SLC25A33: variants seen among roughly 807,000 people sequenced by gnomAD.
SLC25A33 encodes bone marrow stromal cell mitochondrial carrier protein.
Under a neutral mutation model 35.5 loss-of-function variants are expected in SLC25A33, and 15 were observed. The ratio of observed to expected loss-of-function variants is 0.42; its 90% confidence interval spans 0.28 to 0.65. The LOEUF is 0.65. SLC25A33 is among the 30% of genes least tolerant of loss of function. The pLI, the probability that SLC25A33 is intolerant of heterozygous loss-of-function variation, is 0.20. For missense variants in SLC25A33, 257 were observed against 398.5 expected (o/e 0.64, Z 3.02); for synonymous variants, 136 against 148.7 (o/e 0.91, Z 0.62).
intron 2 of SLC25A33, among the ~76,000 whole-genome samples, chr1:9,558,990 C>G (rs1643382279): frequency 6.6e-6 from 1 of 152,140 alleles, no homozygotes; most frequent in Admixed American, 6.6e-5. Flanking sequence ...TCCTATTTTC[C>G]CCTTTGCCTC....
At chr1:9,568,189 C>G (rs1405643627) in intron 3 of SLC25A33, among the ~76,000 whole-genome samples, 3 of 152,206 alleles carry the variant, frequency 2.0e-5, no homozygotes, top group African/African-American at 7.2e-5. Context: ...CCTGTGTAAT[C>G]CCAGCACTTT....
In SLC25A33 at chr1:9,573,401, G is replaced by A. The variant is rs775025353; in HGVS notation, c.471G>A (p.Gln157=). The change falls in exon 5 of 7, where the codon CAG becomes CAA. Residue 157 remains glutamine (Q), a synonymous_variant. Transcript: ENST00000302692. ...TATGGATGGTTAAAACCCGAATGCA[G>A]CTAGAACAGAAGTAAGTTATTATTT... ...NPIWMVKTRM[Q]LEQKVRGSKQ... 2.5e-6 allele frequency: 4 copies of A among 1,611,290 alleles called. No individual in the cohort carries two copies. Among genetic ancestry groups the A allele is most frequent in the South Asian group, 2.2e-5 (2 of 90,838 alleles).
chr1:9,568,577 T>G lies in SLC25A33; in HGVS notation c.314+1216T>G, dbSNP rs902024188. Among the ~76,000 whole-genome samples, 25 of 152,168 alleles carry G rather than the reference T, an allele frequency of 1.6e-4. No individual in the cohort carries two copies. In the East Asian group the frequency reaches 4.2e-3, roughly 26 times the overall value. On this transcript the variant is annotated intron_variant, in intron 3 of 6. Transcript: ENST00000302692. ...TGAAAGAAAATGAAGTCTGGCCGGG[T>G]GCGGTGGCTCACGCCTGTAATCCCA...
chr1:9,555,308 CG>C (rs1267731012), intron 2 of SLC25A33, among the ~76,000 whole-genome samples: 1 of 151,502 alleles, frequency 6.6e-6, no homozygotes, highest in East Asian at 1.9e-4. Flanking sequence ...TTAGTAGAGA[CG>C]GGGTTTCACC....
chr1:9,544,365 T>C (rs1407897342), intron 1 of SLC25A33, among the ~76,000 whole-genome samples: 1 of 147,756 alleles, frequency 6.8e-6, no homozygotes, highest in African/African-American at 2.5e-5. Context: ...ACCTCCCGGG[T>C]TCAAGCAATT....
intron 5 of SLC25A33, among the ~76,000 whole-genome samples, chr1:9,574,107 CCTTTT>C (rs1240701066): frequency 6.0e-5 from 9 of 149,012 alleles, no homozygotes; most frequent in East Asian, 3.9e-4. Context: ...TATTTTGTTT[CCTTTT>C]CTTTTCTTTT....
At chr1:9,574,158 C>T (rs1304224266) in intron 5 of SLC25A33, among the ~76,000 whole-genome samples, 2 of 143,990 alleles carry the variant, frequency 1.4e-5, no homozygotes, top group African/African-American at 2.6e-5. Flanking sequence ...AGGGCCTCAT[C>T]TATCACCCAG....
At chr1:9,579,148 C>T (rs1311327423) in intron 5 of SLC25A33, among the ~76,000 whole-genome samples, 1 of 152,204 alleles carries the variant, frequency 6.6e-6, no homozygotes, top group Non-Finnish European at 1.5e-5. Context: ...TCCACTGTCA[C>T]ACCACAACAG....
intron 2 of SLC25A33, chr1:9,556,370 A>G (rs932501920): frequency 3.6e-5 from 14 of 391,014 alleles, no homozygotes; most frequent in South Asian, 1.1e-4. Flanking sequence ...GTGGGTGTCA[A>G]TAGGGCCAAC....
intron 1 of SLC25A33, among the ~76,000 whole-genome samples, chr1:9,546,174 A>ATTTTTTT: frequency 9.9e-6 from 1 of 100,520 alleles, no homozygotes; most frequent in Non-Finnish European, 1.9e-5. Context: ...ACACAGAGAA[A>ATTTTTTT]TTTTTTTTTT....
At chr1:9,552,548 A>G (rs571111438) in intron 1 of SLC25A33, among the ~76,000 whole-genome samples, 1 of 152,264 alleles carries the variant, frequency 6.6e-6, no homozygotes, top group South Asian at 2.1e-4. Flanking sequence ...AATTAATCAA[A>G]TTTTAAGAAG....
chr1:9,546,174 A>ATT lies in SLC25A33; in HGVS notation c.56+6454_56+6455dup, dbSNP rs746460317. On this transcript the variant is annotated intron_variant, in intron 1 of 6. Coordinates refer to ENST00000302692, the MANE Select transcript of SLC25A33 (RefSeq NM_032315.3). ...TGTGAAGGGAATATCACACAGAGAA[A>ATT]TTTTTTTTTTTTTTTTTTTTTTTTT... Among the ~76,000 whole-genome samples, 150 of 100,520 alleles carry ATT rather than the reference A, an allele frequency of 1.5e-3. 1 individual carries two copies. The highest frequency in any genetic ancestry group is 2.9e-3 in the African/African-American group (62 of 21,654). The allele number at this position is 100,520 out of a possible 152,430, so 65.9% of individuals were successfully genotyped here.
intron 4 of SLC25A33, among the ~76,000 whole-genome samples, chr1:9,572,685 G>A (rs1569872103): frequency 6.6e-6 from 1 of 152,108 alleles, no homozygotes; most frequent in African/African-American, 2.4e-5. Context: ...TATAGAGGGT[G>A]TGAGGTATTA....
At chr1:9,540,110 G>A (rs963410360) in intron 1 of SLC25A33, among the ~76,000 whole-genome samples, 2 of 152,146 alleles carry the variant, frequency 1.3e-5, no homozygotes, top group Non-Finnish European at 2.9e-5. Context: ...CCTTCTCCTG[G>A]GGCCTCTCCC....
At chr1:9,579,913 A>G (rs1328050642) in intron 5 of SLC25A33, 41 bp from the exon 6 acceptor site, 13 of 1,584,340 alleles carry the variant, frequency 8.2e-6, no homozygotes, top group South Asian at 3.5e-5. Flanking sequence ...TTCCACCATG[A>G]TATGTCTCCT....
At chr1:9,557,255 T>G (rs2100385313) in intron 2 of SLC25A33, among the ~76,000 whole-genome samples, 1 of 152,374 alleles carries the variant, frequency 6.6e-6, no homozygotes, top group Middle Eastern at 3.4e-3. Flanking sequence ...AATCAGTTTA[T>G]TTTATTGACA....
rs560542890 is a variant in SLC25A33, at chr1:9,560,471, G to A, written c.236+6666G>A. Among the ~76,000 whole-genome samples the A allele has an allele frequency of 1.2e-3, 170 of 144,864 alleles. 1 individual carries two copies. The highest frequency in any genetic ancestry group is 4.2e-3 in the African/African-American group (165 of 39,218). ...CCCGGCTACTCGGGAGGTTGAGGCA[G>A]GAGAATGGCATGAACCCCGGAGGCG... On this transcript the variant is annotated intron_variant, in intron 2 of 6. Coordinates refer to ENST00000302692, the MANE Select transcript of SLC25A33 (RefSeq NM_032315.3).
chr1:9,552,835 A>T (rs980996248), intron 1 of SLC25A33, among the ~76,000 whole-genome samples: 1 of 152,116 alleles, frequency 6.6e-6, no homozygotes, highest in Non-Finnish European at 1.5e-5. Flanking sequence ...GTTAGGTGAA[A>T]ATGCCAAGAA....
intron 1 of SLC25A33, among the ~76,000 whole-genome samples, chr1:9,549,517 C>CT (rs1336122253): frequency 6.6e-6 from 1 of 151,030 alleles, no homozygotes; most frequent in Non-Finnish European, 1.5e-5. Flanking sequence ...GGGGGATGAA[C>CT]TGATGGTGGG....
Sources: gnomAD v4.1 joint callset for allele counts (sites outside exome capture counted in the v4.1 genomes callset) on GRCh38, gnomAD v4.1.1 for gene constraint, MANE v1.5 for transcripts, NCBI Gene and HGNC (gene_info 2026-07-23, HGNC 2026-07-21) for gene names.